Variants in CAB39 observed in about 807,000 individuals in gnomAD.
The protein encoded by CAB39 is calcium binding protein 39.
CAB39 carries 8 observed loss-of-function variants against 40.0 expected under a neutral mutation model. The ratio of observed to expected loss-of-function variants is 0.20; its 90% CI spans 0.12 to 0.36. The LOEUF is 0.36. CAB39 is among the 10% of genes least tolerant of loss of function. The pLI, the probability that CAB39 is intolerant of heterozygous loss-of-function variation, is 1.00. For synonymous variants in CAB39, 156 were observed against 141.6 expected, an observed-to-expected ratio of 1.10 and a Z score of -0.72; for missense variants, 270 against 401.1, an observed-to-expected ratio of 0.67 and a Z score of 2.79.
chr2:230,719,158 A>G (rs890959721), intron 1 of CAB39, among the ~76,000 whole-genome samples: 56 of 152,338 alleles, frequency 3.7e-4, no homozygotes, highest in Non-Finnish European at 7.4e-5. Context: ...GAAAATTAAC[A>G]AAAATTAGTT....
intron 1 of CAB39, among the ~76,000 whole-genome samples, chr2:230,756,549 A>G (rs1376994462): frequency 6.6e-6 from 1 of 152,192 alleles, no homozygotes; most frequent in Admixed American, 6.5e-5. Flanking sequence ...GTTTTTGCCT[A>G]CCAAAATCTT....
rs1475643813 is a variant in CAB39 at position 230,734,829 on chromosome 2, A to G, written c.-44+21599A>G. Among the ~76,000 whole-genome samples, 26 of 152,054 alleles carry G rather than the reference A, an allele frequency of 1.7e-4. 1 individual carries two copies. Among genetic ancestry groups the G allele is most frequent in the Admixed American group, 1.6e-3 (24 of 15,272 alleles). On this transcript the variant is annotated intron_variant, in intron 1 of 8. Coordinates refer to ENST00000258418, the MANE Select transcript of CAB39 (RefSeq NM_016289.4). Reference sequence around the variant, plus strand: ...CCGACGAAGGAGTCACTGCACTTACATTCTCTCAACTGTGGAGGGAGGAAC... The same window carrying G: ...CCGACGAAGGAGTCACTGCACTTACGTTCTCTCAACTGTGGAGGGAGGAAC...
intron 5 of CAB39, among the ~76,000 whole-genome samples, chr2:230,804,573 A>T (rs1249860537): frequency 6.6e-6 from 1 of 152,236 alleles, no homozygotes; most frequent in East Asian, 1.9e-4. Flanking sequence ...AACCCCATCA[A>T]AAAGTGGGCA....
chr2:230,802,986 C>T lies in CAB39; in HGVS notation c.567+4089C>T, dbSNP rs191244616. On this transcript the variant is annotated intron_variant, in intron 5 of 8. Coordinates refer to ENST00000258418, the MANE Select transcript of CAB39 (RefSeq NM_016289.4). ...ACTTTAGACCAATATCCCTGATGAA[C>T]ATCAATGCGAAAATCCTCAATGAAA... Among the ~76,000 whole-genome samples, 7 of 152,310 alleles carry T rather than the reference C, an allele frequency of 4.6e-5. No homozygotes were observed. In the East Asian group the frequency reaches 1.3e-3, roughly 29 times the overall value.
intron 2 of CAB39, among the ~76,000 whole-genome samples, chr2:230,785,244 G>C (rs1160227943): frequency 1.3e-5 from 2 of 152,166 alleles, no homozygotes; most frequent in Non-Finnish European, 2.9e-5. Context: ...TTAATGACAT[G>C]CAGGTCAGTG....
chr2:230,725,544 T>C (rs1486774767), intron 1 of CAB39: 2 of 827,494 alleles, frequency 2.4e-6, no homozygotes, highest in African/African-American at 3.4e-5. Flanking sequence ...AGGTAAGTAA[T>C]GGGGAAAACC....
At chr2:230,794,118 A>T (rs576443986) in intron 4 of CAB39, among the ~76,000 whole-genome samples, 14 of 152,232 alleles carry the variant, frequency 9.2e-5, no homozygotes, top group African/African-American at 3.4e-4. Flanking sequence ...TGTTCCTGGC[A>T]TGACTGTTGG....
In CAB39 at chr2:230,803,126, G is replaced by A. The variant is rs139144072; in HGVS notation, c.567+4229G>A. On this transcript the variant is annotated intron_variant, in intron 5 of 8. Transcript: ENST00000258418. The stretch of plus-strand genomic sequence containing the variant: ...ATACGAAAATCAATAAACATAATCC[G>A]TCACATAAACAGAACCAAAGACAAA... Among the ~76,000 whole-genome samples, 992 of 152,140 alleles carry A rather than the reference G, an allele frequency of 6.5e-3. 14 individuals carry two copies. Among genetic ancestry groups the A allele is most frequent in the African/African-American group, 0.023 (952 of 41,490 alleles).
chr2:230,762,281 A>G, intron 2 of CAB39, among the ~76,000 whole-genome samples: 1 of 152,270 alleles, frequency 6.6e-6, no homozygotes, highest in South Asian at 2.1e-4. Flanking sequence ...TAAAAATATG[A>G]AAAGTTTAGC....
chr2:230,739,942 T>C (rs1371643007), intron 1 of CAB39, among the ~76,000 whole-genome samples: 5 of 152,250 alleles, frequency 3.3e-5, no homozygotes, highest in Non-Finnish European at 5.9e-5. Context: ...TTCGATCTTA[T>C]CAGTGGTTTA....
intron 5 of CAB39, among the ~76,000 whole-genome samples, chr2:230,804,601 CT>C (rs1384765159): frequency 1.3e-5 from 2 of 152,196 alleles, no homozygotes; most frequent in Non-Finnish European, 2.9e-5. Flanking sequence ...TGAACAGACA[CT>C]TTTCAAAAGA....
chr2:230,812,778 A>C (rs1360186859), intron 6 of CAB39, among the ~76,000 whole-genome samples: 1 of 152,202 alleles, frequency 6.6e-6, no homozygotes, highest in East Asian at 1.9e-4. Flanking sequence ...CCAGAAAGCA[A>C]ATTTTTGAGG....
At position 230,817,797 on chromosome 2, in the gene CAB39, T is replaced by G; in HGVS notation, c.737T>G (p.Met246Arg). 1 of 1,612,482 alleles carries G rather than the reference T, an allele frequency of 6.2e-7. No individual in the cohort carries two copies. Among genetic ancestry groups the G allele is most frequent in the Non-Finnish European group, 8.5e-7 (1 of 1,178,970 alleles). ...LLLDRHNFTI[M>R]TKYISKPENL... ...CTAGATAGACACAACTTCACAATTA[T>G]GACAAAATACATCAGTAAACCTGAG... The change falls in exon 8 of 9, where the codon ATG (methionine) becomes AGG (arginine). Residue 246 changes from methionine to arginine, a missense_variant. Transcript: ENST00000258418.
intron 5 of CAB39, among the ~76,000 whole-genome samples, chr2:230,806,037 A>G (rs1271305797): frequency 2.0e-5 from 3 of 152,232 alleles, no homozygotes; most frequent in African/African-American, 4.8e-5. Flanking sequence ...AGTTAAATAC[A>G]GATAACTGAG....
At chr2:230,804,452 A>G (rs1211418417) in intron 5 of CAB39, among the ~76,000 whole-genome samples, 1 of 152,252 alleles carries the variant, frequency 6.6e-6, no homozygotes, top group Non-Finnish European at 1.5e-5. Flanking sequence ...ATCAGAGTGA[A>G]CAGGCACCCT....
chr2:230,738,854 A>G (rs1420796265), intron 1 of CAB39, among the ~76,000 whole-genome samples: 1 of 152,258 alleles, frequency 6.6e-6, no homozygotes, highest in East Asian at 1.9e-4. Context: ...GTTTAAGGTT[A>G]TAAATTTTGC....
intron 3 of CAB39, among the ~76,000 whole-genome samples, chr2:230,791,330 A>T (rs1159650046): frequency 6.6e-6 from 1 of 152,212 alleles, no homozygotes; most frequent in Non-Finnish European, 1.5e-5. Context: ...TGCTCATTAG[A>T]GCACTCTAGT....
At chr2:230,734,442 C>G (rs1406224216) in intron 1 of CAB39, among the ~76,000 whole-genome samples, 1 of 152,114 alleles carries the variant, frequency 6.6e-6, no homozygotes, top group Non-Finnish European at 1.5e-5. Context: ...TTGAGGCCAG[C>G]AGGGATGTGG....
intron 1 of CAB39, among the ~76,000 whole-genome samples, chr2:230,714,354 A>G (rs551753008): frequency 2.6e-4 from 40 of 152,322 alleles, no homozygotes; most frequent in African/African-American, 9.4e-4. Flanking sequence ...AATGTAATGC[A>G]GTTTCAGATC....
Sources: allele counts gnomAD v4.1 joint callset (sites outside exome capture counted in the v4.1 genomes callset), GRCh38; gene constraint gnomAD v4.1.1; transcripts MANE v1.5; gene names NCBI Gene and HGNC (gene_info 2026-07-23, HGNC 2026-07-21).